The following TYW1B variants were observed in gnomAD, a reference collection of about 807,000 sequenced individuals.
TYW1B encodes S-adenosyl-L-methionine-dependent tRNA 4-demethylwyosine synthase TYW1B.
A neutral mutation model predicts 86.9 loss-of-function variants in TYW1B; 73 were observed. The observed-to-expected ratio is 0.84, with a 90% confidence interval of 0.70 to 1.02. The LOEUF (loss-of-function observed/expected upper bound fraction) is 1.02. TYW1B is among the 50% of genes least tolerant of loss of function. The probability of loss-of-function intolerance (pLI) is 0.00; values close to 1 mark genes in which losing one functional copy is unlikely to be tolerated. For synonymous variants in TYW1B, 248 were observed against 292.8 expected (o/e 0.85, Z 1.56); for missense variants, 637 against 827.4 (o/e 0.77, Z 2.82).
At chr7:72,605,414 C>T (rs377723429) in intron 13 of TYW1B, among the ~76,000 whole-genome samples, 4 of 150,542 alleles carry the variant, frequency 2.7e-5, no homozygotes, top group East Asian at 3.9e-4. Context: ...AGTGCAGTGG[C>T]GCAATCTCGG....
chr7:72,744,686 C>T (rs1787365234), intron 7 of TYW1B, 85 bp from the exon 8 acceptor site: 1 of 1,413,318 alleles, frequency 7.1e-7, no homozygotes, highest in Admixed American at 1.7e-5. Context: ...TAAGAGAAAC[C>T]ATGTGTTTCG....
At chr7:72,590,715 G>A (rs1811377736) in intron 13 of TYW1B, among the ~76,000 whole-genome samples, 1 of 152,066 alleles carries the variant, frequency 6.6e-6, no homozygotes, top group Admixed American at 6.6e-5. Flanking sequence ...ACACTGAGAG[G>A]CAAAGAATCT....
intron 7 of TYW1B, among the ~76,000 whole-genome samples, chr7:72,773,518 C>G (rs1787901465): frequency 6.6e-6 from 1 of 152,154 alleles, no homozygotes; most frequent in African/African-American, 2.4e-5. Context: ...CCAGTGGACT[C>G]TTGAGTTTGG....
chr7:72,729,673 C>T lies in TYW1B; in HGVS notation c.1083-742G>A, dbSNP rs1787069005. Reference sequence around the variant, plus strand: ...CCCAAGACAGACACAATGCCAGAGCCCAAGGACCAGCTCCCCAGTGTCCAC... The same window carrying T: ...CCCAAGACAGACACAATGCCAGAGCTCAAGGACCAGCTCCCCAGTGTCCAC... On this transcript the variant is annotated intron_variant, in intron 8 of 13. Coordinates refer to ENST00000620995, the MANE Select transcript of TYW1B (RefSeq NM_001145440.3). Among the ~76,000 whole-genome samples the T allele has an allele frequency of 2.6e-5, 4 of 152,072 alleles. No homozygotes were observed. In the South Asian group the frequency reaches 8.3e-4, roughly 32 times the overall value.
chr7:72,718,647 T>C (rs1261929341), intron 9 of TYW1B, among the ~76,000 whole-genome samples: 3 of 152,208 alleles, frequency 2.0e-5, no homozygotes, highest in South Asian at 2.1e-4. Flanking sequence ...TTTTAGGTTA[T>C]TGAAATCTAA....
intron 3 of TYW1B, among the ~76,000 whole-genome samples, chr7:72,814,495 A>G (rs1469569513): frequency 1.3e-5 from 2 of 151,994 alleles, no homozygotes; most frequent in Admixed American, 6.6e-5. Context: ...GAGGCAGGAG[A>G]ATGGTGTGAA....
chr7:72,667,031 C>CAAAAAAAAA (rs60691255), intron 11 of TYW1B, among the ~76,000 whole-genome samples: 5,384 of 42,164 alleles, frequency 0.13, 1,402 homozygotes, highest in East Asian at 0.22. Context: ...GACTCCGTCT[C>CAAAAAAAAA]AAAAAAAAAA....
chr7:72,820,645 C>G (rs1788811293), intron 2 of TYW1B, among the ~76,000 whole-genome samples: 1 of 152,020 alleles, frequency 6.6e-6, no homozygotes, highest in Non-Finnish European at 1.5e-5. Context: ...CCAGGCTCTT[C>G]TTACCAACAA....
At chr7:72,798,788 C>T (rs1788353936) in intron 6 of TYW1B, among the ~76,000 whole-genome samples, 3 of 152,156 alleles carry the variant, frequency 2.0e-5, no homozygotes, top group African/African-American at 7.2e-5. Flanking sequence ...GTATGTCATC[C>T]AGCTTTGGAG....
intron 11 of TYW1B, among the ~76,000 whole-genome samples, chr7:72,640,218 T>C (rs1468862350): frequency 6.2e-4 from 95 of 152,140 alleles, no homozygotes; most frequent in African/African-American, 2.3e-3. Context: ...AATAATTAGA[T>C]GCTAAATTTA....
chr7:72,764,532 C>T (rs1241235772), intron 7 of TYW1B, among the ~76,000 whole-genome samples: 11 of 152,206 alleles, frequency 7.2e-5, no homozygotes, highest in African/African-American at 2.4e-4. Context: ...CCGCCCACCT[C>T]GGCCTCCCGA....
chr7:72,617,968 T>C (rs1224851255), intron 12 of TYW1B, among the ~76,000 whole-genome samples: 1 of 152,166 alleles, frequency 6.6e-6, no homozygotes, highest in Non-Finnish European at 1.5e-5. Flanking sequence ...ACTAAAAGAT[T>C]TATCTTATTT....
chr7:72,760,666 T>A (rs782076181), intron 7 of TYW1B, among the ~76,000 whole-genome samples: 5 of 152,202 alleles, frequency 3.3e-5, no homozygotes, highest in Non-Finnish European at 5.9e-5. Context: ...TCACATGACT[T>A]ATGTAAATCT....
chr7:72,807,317 C>A lies in TYW1B; in HGVS notation c.472G>T (p.Val158Leu). 12 of 1,614,014 alleles carry A rather than the reference C, an allele frequency of 7.4e-6. No individual in the cohort carries two copies. Among genetic ancestry groups the A allele is most frequent in the Non-Finnish European group, 1.0e-5 (12 of 1,179,926 alleles). The change falls in exon 5 of 14, where the codon GTG becomes TTG. Residue 158 changes from valine to leucine, a missense_variant. Transcript: ENST00000620995. ...TCCCCTCGACTCATCACACGATGCA[C>A]GCCAAGCATCCAGAGCCACTTGTCA... ...NVDKWLWMLGVHRVMSRGEGD... is the reference protein window; with the variant it reads ...NVDKWLWMLGLHRVMSRGEGD...
chr7:72,695,402 T>C (rs2129570296), intron 10 of TYW1B, among the ~76,000 whole-genome samples: 1 of 152,288 alleles, frequency 6.6e-6, no homozygotes, highest in African/African-American at 2.4e-5. Flanking sequence ...AGTGCAGACC[T>C]AAAACAGTAG....
chr7:72,666,643 C>T (rs557064086), intron 11 of TYW1B, among the ~76,000 whole-genome samples: 1 of 152,220 alleles, frequency 6.6e-6, no homozygotes, highest in African/African-American at 2.4e-5. Context: ...GAGCACCAAC[C>T]TGTTCCTGAA....
At chr7:72,825,595 G>A (rs1554481293) in intron 2 of TYW1B, among the ~76,000 whole-genome samples, 1 of 152,150 alleles carries the variant, frequency 6.6e-6, no homozygotes, top group Non-Finnish European at 1.5e-5. Context: ...CAGGAGAATT[G>A]CTTGAGGTGG....
chr7:72,596,179 C>CAAAA (rs58325295), intron 13 of TYW1B, among the ~76,000 whole-genome samples: 10 of 56,394 alleles, frequency 1.8e-4, no homozygotes, highest in Non-Finnish European at 2.3e-4. Context: ...AACTCTGTCT[C>CAAAA]AAAAAAAAAA....
At chr7:72,695,933 C>T (rs1443295783) in intron 10 of TYW1B, among the ~76,000 whole-genome samples, 2 of 143,874 alleles carry the variant, frequency 1.4e-5, no homozygotes, top group East Asian at 2.1e-4. Context: ...TAAACCTAGA[C>T]TATACTTTTT....
Sources: gnomAD v4.1 joint callset for allele counts (sites outside exome capture counted in the v4.1 genomes callset) on GRCh38, gnomAD v4.1.1 for gene constraint, MANE v1.5 for transcripts, NCBI Gene and HGNC (gene_info 2026-07-23, HGNC 2026-07-21) for gene names.